SLC43A3: variants seen among roughly 807,000 people sequenced by gnomAD.
SLC43A3 encodes equilibrative nucleobase transporter 1.
In SLC43A3, 33 loss-of-function variants were observed where a neutral mutation model predicts 53.3. The ratio of observed to expected loss-of-function variants is 0.62; its 90% CI spans 0.47 to 0.83. The LOEUF is 0.83. SLC43A3 is among the 40% of genes least tolerant of loss of function. The probability of loss-of-function intolerance (pLI) is 0.00; values close to 1 mark genes in which losing one functional copy is unlikely to be tolerated. For missense variants in SLC43A3, 530 were observed against 610.0 expected (o/e 0.87, Z 1.38); for synonymous variants, 236 against 246.2 (o/e 0.96, Z 0.39).
Position 57,426,161 on chromosome 11 carries a change from C to T in SLC43A3, c.12G>A (p.Gln4=). 6.2e-7 allele frequency: 1 copy of T among 1,613,774 alleles called. No homozygotes were observed. Among genetic ancestry groups the T allele is most frequent in the South Asian group, 1.1e-5 (1 of 91,082 alleles). Residue 4 remains glutamine (Q), a synonymous_variant, in exon 3 of 14, where the codon CAG becomes CAA. Coordinates refer to ENST00000395124, the MANE Select transcript of SLC43A3 (RefSeq NM_199329.3). ...GTGTGGCCACGTGCAGGGGCAGGCC[C>T]TGGCCCGCCATGAGCAGAAGTGGAG... MAG[Q]GLPLHVATLL...
rs751949571 is a variant in SLC43A3, at chr11:57,421,285, G to C, written c.438+12C>G. Reference sequence around the variant, plus strand: ...ACCCTGCCGAGTGCCTGGGATTAGGGAAGGCTCCCACCTGCAGGTTGGTGA... The same window carrying C: ...ACCCTGCCGAGTGCCTGGGATTAGGCAAGGCTCCCACCTGCAGGTTGGTGA... On this transcript the variant is annotated intron_variant, in intron 6 of 13. Transcript: ENST00000395124. The C allele has an allele frequency of 6.2e-7, 1 of 1,608,430 alleles. No individual in the cohort carries two copies. The highest frequency in any genetic ancestry group is 1.1e-5 in the South Asian group (1 of 90,794).
chr11:57,423,152 G>C (rs528153110), intron 5 of SLC43A3, among the ~76,000 whole-genome samples: 48 of 152,222 alleles, frequency 3.2e-4, no homozygotes, highest in Non-Finnish European at 6.8e-4. Context: ...CCATGGACAT[G>C]TCTTTGCAAG....
In SLC43A3 at chr11:57,420,956, C is replaced by T. The variant is rs766196664; in HGVS notation, c.531+16G>A. 1.9e-5 allele frequency: 29 copies of T among 1,518,484 alleles called. No individual in the cohort carries two copies. The highest frequency in any genetic ancestry group is 2.5e-5 in the Non-Finnish European group (27 of 1,092,838). The allele number at this position is 1,518,484 out of a possible 1,614,324, so 94.1% of individuals were successfully genotyped here. ...TATACAAGTGCCCAGTGAATGTAGG[C>T]TGTTGCTATATTTACCTTAATAATA... is the stretch of plus-strand genomic sequence containing the variant. On this transcript the variant is annotated intron_variant, in intron 7 of 13. Coordinates refer to ENST00000395124, the MANE Select transcript of SLC43A3 (RefSeq NM_199329.3).
chr11:57,409,416 C>T, intron 12 of SLC43A3, 118 bp from the exon 13 acceptor site: 1 of 1,148,154 alleles, frequency 8.7e-7, no homozygotes, highest in African/African-American at 1.5e-5. Context: ...TAGGCCTGCC[C>T]TCCAACCACA....
intron 13 of SLC43A3, among the ~76,000 whole-genome samples, chr11:57,408,974 T>A (rs1213688067): frequency 6.6e-6 from 1 of 152,194 alleles, no homozygotes; most frequent in Non-Finnish European, 1.5e-5. Flanking sequence ...TTGCTTGAAG[T>A]TTCGTGAGAA....
At chr11:57,421,138 G>A in intron 6 of SLC43A3, 74 bp from the exon 7 acceptor site, 4 of 1,309,666 alleles carry the variant, frequency 3.1e-6, no homozygotes, top group Non-Finnish European at 4.4e-6. Context: ...CCAGCATGTG[G>A]CAGACCCTCC....
chr11:57,420,645 A>C (rs1381598157), intron 7 of SLC43A3, among the ~76,000 whole-genome samples: 1 of 152,066 alleles, frequency 6.6e-6, no homozygotes, highest in Non-Finnish European at 1.5e-5. Flanking sequence ...CCCCACTCTA[A>C]AGGTCCCCCA....
At chr11:57,420,588 C>T (rs899282512) in intron 7 of SLC43A3, among the ~76,000 whole-genome samples, 5 of 152,218 alleles carry the variant, frequency 3.3e-5, no homozygotes, top group Non-Finnish European at 7.3e-5. Flanking sequence ...TACCCACTAG[C>T]CACTTGCCAC....
At chr11:57,414,833 A>G in intron 10 of SLC43A3, 100 bp downstream of exon 10, 2 of 1,535,290 alleles carry the variant, frequency 1.3e-6, no homozygotes, top group Non-Finnish European at 1.8e-6. Flanking sequence ...CCTCCTCCCC[A>G]CACCATCAGA....
At chr11:57,409,378 C>A in intron 12 of SLC43A3, 80 bp from the exon 13 acceptor site, 2 of 1,548,382 alleles carry the variant, frequency 1.3e-6, no homozygotes, top group South Asian at 2.3e-5. Flanking sequence ...TGGGGGCTGT[C>A]GGCCGCTTGT....
rs371443850 is a variant in SLC43A3, at chr11:57,407,940, C to A, written c.1372-44G>T. 5 of 1,323,966 alleles carry A rather than the reference C, an allele frequency of 3.8e-6. No individual in the cohort carries two copies. In the African/African-American group the frequency reaches 7.2e-5, roughly 19 times the overall value. 82.0% of individuals were successfully genotyped at this position (1,323,966 alleles called of 1,614,324 possible). On this transcript the variant is annotated intron_variant, in intron 13 of 13. Coordinates refer to ENST00000395124, the MANE Select transcript of SLC43A3 (RefSeq NM_199329.3). ...TGAGGTGAAATCCAGGAATTCTGAACAACAGAACTGTTGCTCAATGAAGCA... is the reference window on the plus strand; with the variant it reads ...TGAGGTGAAATCCAGGAATTCTGAAAAACAGAACTGTTGCTCAATGAAGCA...
At chr11:57,417,526 C>T (rs1278560757) in intron 8 of SLC43A3, among the ~76,000 whole-genome samples, 1 of 152,226 alleles carries the variant, frequency 6.6e-6, no homozygotes, top group East Asian at 1.9e-4. Flanking sequence ...CTACATCTGG[C>T]CCTGATCAGC....
In SLC43A3 at chr11:57,426,295, T is replaced by G; in HGVS notation, c.-123A>C. The G allele has an allele frequency of 1.1e-6, 1 of 885,374 alleles. No individual in the cohort carries two copies. The highest frequency in any genetic ancestry group is 1.7e-6 in the Non-Finnish European group (1 of 585,832). The allele number at this position is 885,374 out of a possible 1,614,324, so 54.8% of individuals were successfully genotyped here. On this transcript the variant is annotated 5_prime_UTR_variant, in exon 3 of 14. Coordinates refer to ENST00000395124, the MANE Select transcript of SLC43A3 (RefSeq NM_199329.3). ...GGCAAGCCAAGCCCTTCCTTTCCCG[T>G]AGCTCTCTGGTTGTTTCAGGCCTGG...
At chr11:57,421,524 A>C in intron 5 of SLC43A3, 151 bp from the exon 6 acceptor site, 1 of 617,414 alleles carries the variant, frequency 1.6e-6, no homozygotes, top group African/African-American at 1.8e-5. Context: ...AAGGGTTTTT[A>C]GGATACCGGC....
Position 57,417,884 on chromosome 11 carries a change from G to C in SLC43A3, c.535C>G (p.Leu179Val). The part of the protein sequence containing the change: ...SSAVFLIIKL[L>V]YEKGISLRAS... ...CTGAGGCTGATGCCTTTTTCATAAAGAAGCTGCAGAAGGAGAAGGAAAAAG... is the reference window on the plus strand; with the variant it reads ...CTGAGGCTGATGCCTTTTTCATAAACAAGCTGCAGAAGGAGAAGGAAAAAG... The change falls in exon 8 of 14, where the codon CTT (leucine) becomes GTT (valine). Residue 179 changes from leucine (L) to valine (V), a missense_variant. This residue lies in a region of SLC43A3 where 376 missense variants were observed against 386.7 expected (regional missense o/e 0.97). Transcript: ENST00000395124. 1 of 1,613,968 alleles carries C rather than the reference G, an allele frequency of 6.2e-7. No homozygotes were observed. Among genetic ancestry groups the C allele is most frequent in the Non-Finnish European group, 8.5e-7 (1 of 1,179,916 alleles).
chr11:57,425,541 A>G lies in SLC43A3; in HGVS notation c.314T>C (p.Ile105Thr), dbSNP rs1307506893. 1 of 1,613,042 alleles carries G rather than the reference A, an allele frequency of 6.2e-7. No homozygotes were observed. Among genetic ancestry groups the G allele is most frequent in the East Asian group, 2.2e-5 (1 of 44,846 alleles). Residue 105 changes from isoleucine (I) to threonine (T), a missense_variant and splice_region_variant, in exon 4 of 14, where the codon ATA becomes ACA. This residue lies in a region of SLC43A3 where 376 missense variants were observed against 386.7 expected (regional missense o/e 0.97). Transcript: ENST00000395124. Reference protein sequence around the residue: ...FKTTVARLIAIFFYTTATLII... With the variant: ...FKTTVARLIATFFYTTATLII... Reference sequence around the variant, plus strand: ...GCCTGGGCTGGCCTTTGGGACTTACATGGCTATGAGGCGTGCCACGGTGGT... The same window carrying G: ...GCCTGGGCTGGCCTTTGGGACTTACGTGGCTATGAGGCGTGCCACGGTGGT...
At chr11:57,426,732 T>G (rs1302047980) in intron 1 of SLC43A3, 80 bp from the exon 2 acceptor site, 1 of 153,084 alleles carries the variant, frequency 6.5e-6, no homozygotes, top group African/African-American at 2.4e-5. Flanking sequence ...GCTGCCAAGT[T>G]GGTGTTATCT....
chr11:57,421,523 T>C, intron 5 of SLC43A3, 150 bp from the exon 6 acceptor site: 1 of 616,134 alleles, frequency 1.6e-6, no homozygotes, highest in Non-Finnish European at 2.9e-6. Flanking sequence ...CAAGGGTTTT[T>C]AGGATACCGG....
At chr11:57,410,158 G>A in intron 11 of SLC43A3, 37 bp from the exon 12 acceptor site, 1 of 1,513,524 alleles carries the variant, frequency 6.6e-7, no homozygotes, top group South Asian at 1.3e-5. Flanking sequence ...CTCTCTGTAG[G>A]CCAACCCAAC....
Sources: gnomAD v4.1 joint callset for allele counts (sites outside exome capture counted in the v4.1 genomes callset) on GRCh38, gnomAD v4.1.1 for gene constraint, gnomAD v4.1.1 regional missense constraint, MANE v1.5 for transcripts, NCBI Gene and HGNC (gene_info 2026-07-23, HGNC 2026-07-21) for gene names.